ITPA: variants seen among roughly 807,000 people sequenced by gnomAD.
ITPA encodes inosine triphosphate pyrophosphatase.
A neutral mutation model predicts 29.6 loss-of-function variants in ITPA; 29 were observed. The ratio of observed to expected loss-of-function variants is 0.98; its 90% CI spans 0.73 to 1.34. The LOEUF (loss-of-function observed/expected upper bound fraction) is 1.34. ITPA is among the 40% of genes most tolerant of loss of function. ITPA has a pLI of 0.00. For missense variants in ITPA, 241 were observed against 251.5 expected (o/e 0.96, Z 0.28); for synonymous variants, 103 against 99.3 (o/e 1.04, Z -0.22).
At chr20:3,225,399 G>A (rs560990036), downstream of ITPA, among the ~76,000 whole-genome samples, 4 of 152,258 alleles carry the variant, frequency 2.6e-5, no homozygotes, top group Admixed American at 6.5e-5. Context: ...ACACCTCCAG[G>A]GAGGGGCAGG....
chr20:3,220,849 C>G (rs972036694), intron 6 of ITPA, among the ~76,000 whole-genome samples: 1 of 152,146 alleles, frequency 6.6e-6, no homozygotes, highest in Non-Finnish European at 1.5e-5. Context: ...AGCTACCACA[C>G]CTGGTCCCTT....
chr20:3,214,731 C>G lies in ITPA; in HGVS notation c.264-550C>G, dbSNP rs934497268. Among the ~76,000 whole-genome samples, 48 of 152,060 alleles carry G rather than the reference C, an allele frequency of 3.2e-4. 1 individual carries two copies. Among genetic ancestry groups the G allele is most frequent in the Non-Finnish European group, 6.6e-4 (45 of 68,020 alleles). On this transcript the variant is annotated intron_variant, in intron 4 of 7. Transcript: ENST00000380113. ...AGTAGCTGGGACTACAGGCGCCCAC[C>G]ACCACACCTGGCTAATTTTTTGTAT...
At chr20:3,225,580 C>T (rs2067545964), downstream of ITPA, among the ~76,000 whole-genome samples, 1 of 152,178 alleles carries the variant, frequency 6.6e-6, no homozygotes, top group African/African-American at 2.4e-5. Context: ...CTCTGTGCCC[C>T]TTCCCCCACA....
intron 7 of ITPA, among the ~76,000 whole-genome samples, chr20:3,222,303 C>A (rs2067485894): frequency 6.6e-6 from 1 of 151,550 alleles, no homozygotes; most frequent in Non-Finnish European, 1.5e-5. Context: ...ACTCACTGCA[C>A]CCTCTGCCTC....
At chr20:3,215,395 T>C (rs2067270929) in intron 5 of ITPA, 83 bp downstream of exon 5, 2 of 1,288,648 alleles carry the variant, frequency 1.6e-6, no homozygotes, top group African/African-American at 1.5e-5. Context: ...CAACTAGTAA[T>C]CAGGAGTCCC....
At chr20:3,218,438 C>A (rs2067367320) in intron 5 of ITPA, 79 bp from the exon 6 acceptor site, 1 of 1,038,080 alleles carries the variant, frequency 9.6e-7, no homozygotes, top group South Asian at 1.3e-5. Context: ...CCTCCCTCCC[C>A]ACCCTTAGTG....
At chr20:3,206,363 G>A (rs2067070168), upstream of ITPA, among the ~76,000 whole-genome samples, 1 of 144,940 alleles carries the variant, frequency 6.9e-6, no homozygotes, top group South Asian at 2.2e-4. Flanking sequence ...ACTCCAGCCT[G>A]GGCAACAGAG....
At chr20:3,222,640 T>A (rs1046119750) in intron 7 of ITPA, among the ~76,000 whole-genome samples, 1 of 152,192 alleles carries the variant, frequency 6.6e-6, no homozygotes, top group Non-Finnish European at 1.5e-5. Context: ...TTCGCACAAA[T>A]CGCCCCTTGT....
intron 7 of ITPA, 70 bp downstream of exon 7, chr20:3,221,987 C>G (rs1051295303): frequency 2.3e-5 from 33 of 1,456,826 alleles, no homozygotes; most frequent in Non-Finnish European, 2.8e-5. Flanking sequence ...GGGCCAGTGC[C>G]CCGCCCAAGT....
chr20:3,217,906 G>GT (rs375450991), intron 5 of ITPA, among the ~76,000 whole-genome samples: 97 of 137,786 alleles, frequency 7.0e-4, no homozygotes, highest in South Asian at 4.0e-3. Context: ...GTTTTTGTGG[G>GT]TTTTTTTTTG....
chr20:3,212,935 G>C (rs1057195573), intron 1 of ITPA, among the ~76,000 whole-genome samples: 5 of 152,014 alleles, frequency 3.3e-5, no homozygotes, highest in African/African-American at 1.2e-4. Flanking sequence ...TGTTCTGGAT[G>C]GGGGCTTAGC....
At chr20:3,217,133 G>A (rs1482861839) in intron 5 of ITPA, among the ~76,000 whole-genome samples, 2 of 152,074 alleles carry the variant, frequency 1.3e-5, no homozygotes, top group African/African-American at 4.8e-5. Flanking sequence ...CACCCACCTC[G>A]GCCTTCCAAA....
At position 3,223,397 on chromosome 20, in the gene ITPA, G is replaced by T. The variant is rs747784107; in HGVS notation, c.520G>T (p.Ala174Ser). The change falls in exon 8 of 8, where the codon GCT becomes TCT. Residue 174 changes from alanine to serine, a missense_variant. Coordinates refer to ENST00000380113, the MANE Select transcript of ITPA (RefSeq NM_033453.4). ...AGAGATGCCTAAGGCGGAGAAGAAC[G>T]CTGTCTCCCATCGCTTCCGGGCCCT... ...YAEMPKAEKN[A>S]VSHRFRALLE... 11 of 1,613,876 alleles carry T rather than the reference G, an allele frequency of 6.8e-6. No homozygotes were observed. Among genetic ancestry groups the T allele is most frequent in the Middle Eastern group, 1.7e-4 (1 of 6,060 alleles).
At chr20:3,225,696 G>A (rs1026586527), downstream of ITPA, among the ~76,000 whole-genome samples, 1 of 152,014 alleles carries the variant, frequency 6.6e-6, no homozygotes, top group Non-Finnish European at 1.5e-5. Context: ...ATTCATCACT[G>A]GGAACTCCAT....
chr20:3,223,316 C>A, intron 7 of ITPA, 50 bp from the exon 8 acceptor site: 1 of 1,363,144 alleles, frequency 7.3e-7, no homozygotes, highest in Non-Finnish European at 1.0e-6. Context: ...GGAGGGGGTG[C>A]ACTTCCTTCC....
chr20:3,204,660 A>C, upstream of ITPA: 1 of 1,549,104 alleles, frequency 6.5e-7, no homozygotes, highest in Non-Finnish European at 8.7e-7. Flanking sequence ...CACTGCGTCC[A>C]CCCTGAGGCC....
intron 1 of ITPA, among the ~76,000 whole-genome samples, chr20:3,212,834 A>T (rs1425156895): frequency 6.6e-6 from 1 of 152,178 alleles, no homozygotes; most frequent in Non-Finnish European, 1.5e-5. Flanking sequence ...CCATGTTCAT[A>T]GGCCTTCTGA....
downstream of ITPA, among the ~76,000 whole-genome samples, chr20:3,226,341 T>C (rs559377857): frequency 5.1e-4 from 77 of 152,324 alleles, no homozygotes; most frequent in Admixed American, 1.5e-3. This position sits in a 1 kb window ranked among gnomAD's most constrained non-coding sequence, Gnocchi z 4.4. Flanking sequence ...GGTTGACTGT[T>C]GTGCACAGTG....
chr20:3,208,690 AT>A (rs1423877084), upstream of ITPA, among the ~76,000 whole-genome samples: 1 of 152,232 alleles, frequency 6.6e-6, no homozygotes, highest in African/African-American at 2.4e-5. Flanking sequence ...TTTGATGAGC[AT>A]CAGAATGGCC....
Sources: allele counts gnomAD v4.1 joint callset (sites outside exome capture counted in the v4.1 genomes callset), GRCh38; gene constraint gnomAD v4.1.1; non-coding constraint Gnocchi (gnomAD v3.1); transcripts MANE v1.5; gene names NCBI Gene and HGNC (gene_info 2026-07-23, HGNC 2026-07-21).